ABHD12: variants seen among roughly 807,000 people sequenced by gnomAD.
The protein encoded by ABHD12 is lysophosphatidylserine lipase ABHD12.
ABHD12 carries 43 observed loss-of-function variants against 58.3 expected under a neutral mutation model. That is an observed-to-expected ratio of 0.74 (90% CI 0.58 to 0.95). The LOEUF is 0.95. ABHD12 is among the 40% of genes least tolerant of loss of function. The probability of loss-of-function intolerance (pLI) is 0.00; values close to 1 mark genes in which losing one functional copy is unlikely to be tolerated. For synonymous variants in ABHD12, 219 were observed against 211.2 expected (o/e 1.04, Z -0.32); for missense variants, 539 against 537.2 (o/e 1.00, Z -0.03).
intron 2 of ABHD12, among the ~76,000 whole-genome samples, chr20:25,327,371 G>A (rs1314566462): frequency 1.3e-5 from 2 of 151,846 alleles, no homozygotes; most frequent in Non-Finnish European, 2.9e-5. Flanking sequence ...GGAGCCTGAG[G>A]CAAGAGAATT....
At chr20:25,329,620 T>C (rs1405645919) in intron 2 of ABHD12, among the ~76,000 whole-genome samples, 1 of 152,184 alleles carries the variant, frequency 6.6e-6, no homozygotes, top group Non-Finnish European at 1.5e-5. Flanking sequence ...CTGCAAAATA[T>C]TTGTTGCGGG....
intron 1 of ABHD12, among the ~76,000 whole-genome samples, chr20:25,365,946 G>A (rs955829567): frequency 2.0e-5 from 3 of 152,144 alleles, no homozygotes; most frequent in African/African-American, 7.2e-5. Context: ...AGGCTGAGTT[G>A]GGAGGACTGC....
downstream of ABHD12, among the ~76,000 whole-genome samples, chr20:25,296,081 T>TA (rs2088538693): frequency 1.3e-5 from 2 of 152,282 alleles, no homozygotes; most frequent in East Asian, 3.9e-4. Context: ...GGGCAGTTCT[T>TA]ACCTGGTGCT....
chr20:25,349,129 A>G (rs917535629), intron 1 of ABHD12, among the ~76,000 whole-genome samples: 2 of 152,140 alleles, frequency 1.3e-5, no homozygotes, highest in African/African-American at 4.8e-5. Context: ...TGTATCATAC[A>G]ATCTGGCAAA....
intron 12 of ABHD12, among the ~76,000 whole-genome samples, chr20:25,301,687 CACTGCCCT>C (rs2088638303): frequency 6.6e-6 from 1 of 152,266 alleles, no homozygotes; most frequent in South Asian, 2.1e-4. Flanking sequence ...CCATTCCACA[CACTGCCCT>C]TGTCACTACT....
chr20:25,379,102 G>A (rs1207331703), intron 1 of ABHD12, among the ~76,000 whole-genome samples: 3 of 152,220 alleles, frequency 2.0e-5, no homozygotes, highest in African/African-American at 2.4e-5. Flanking sequence ...GCCCACCTTC[G>A]TCTCAAACCC....
At chr20:25,336,016 CAAAA>C (rs1216228763) in intron 2 of ABHD12, among the ~76,000 whole-genome samples, 2 of 151,242 alleles carry the variant, frequency 1.3e-5, no homozygotes, top group Non-Finnish European at 3.0e-5. Context: ...GACCTATTTC[CAAAA>C]AAGCCCTCCC....
intron 1 of ABHD12, among the ~76,000 whole-genome samples, chr20:25,362,247 TCCAG>T (rs2089759626): frequency 1.3e-5 from 2 of 151,690 alleles, no homozygotes; most frequent in South Asian, 4.2e-4. Flanking sequence ...GCCATTGCAC[TCCAG>T]CCTGGGCAAC....
Position 25,369,640 on chromosome 20 carries a change from G to C in ABHD12, c.191+20873C>G, listed in dbSNP as rs117006574. On this transcript the variant is annotated intron_variant, in intron 1 of 12. Coordinates refer to ENST00000339157, the MANE Select transcript of ABHD12 (RefSeq NM_001042472.3). Reference sequence around the variant, plus strand: ...TGAGACCGCGTCTCAGTTCAAGAGGGTAAGATCCCAAACCAGGAGTGCCAG... The same window carrying C: ...TGAGACCGCGTCTCAGTTCAAGAGGCTAAGATCCCAAACCAGGAGTGCCAG... Among the ~76,000 whole-genome samples, 64 of 152,294 alleles carry C rather than the reference G, an allele frequency of 4.2e-4. No homozygotes were observed. The East Asian group carries it at 0.012, about 28-fold the overall frequency.
At chr20:25,382,033 T>G (rs1485190191) in intron 1 of ABHD12, among the ~76,000 whole-genome samples, 1 of 152,178 alleles carries the variant, frequency 6.6e-6, no homozygotes, top group Non-Finnish European at 1.5e-5. Flanking sequence ...GCACTCACCA[T>G]GTGCCAGGAA....
At chr20:25,388,267 T>C (rs979138126) in intron 1 of ABHD12, among the ~76,000 whole-genome samples, 3 of 152,190 alleles carry the variant, frequency 2.0e-5, no homozygotes, top group Non-Finnish European at 4.4e-5. Flanking sequence ...GCCGGCTCTG[T>C]GGCGCAATGG....
intron 1 of ABHD12, among the ~76,000 whole-genome samples, chr20:25,388,219 G>T (rs1013700789): frequency 2.6e-5 from 4 of 152,086 alleles, no homozygotes. Flanking sequence ...AAAAATGTGC[G>T]GAAGGATCCA....
chr20:25,305,735 A>G (rs780954786), intron 10 of ABHD12, among the ~76,000 whole-genome samples: 15 of 152,220 alleles, frequency 9.9e-5, no homozygotes, highest in Non-Finnish European at 1.6e-4. Flanking sequence ...ATACAATCTG[A>G]AAAAGGTTTA....
At chr20:25,353,545 G>C (rs899105600) in intron 1 of ABHD12, among the ~76,000 whole-genome samples, 20 of 152,176 alleles carry the variant, frequency 1.3e-4, no homozygotes, top group African/African-American at 4.8e-4. Context: ...GAAAAACACA[G>C]CTGAACCTAA....
chr20:25,335,756 A>G (rs1343984354), intron 2 of ABHD12, among the ~76,000 whole-genome samples: 38 of 147,398 alleles, frequency 2.6e-4, no homozygotes, highest in African/African-American at 8.8e-4. Flanking sequence ...GAATCGAACA[A>G]TGAGAACACA....
At chr20:25,376,954 G>C (rs1053117489) in intron 1 of ABHD12, among the ~76,000 whole-genome samples, 4 of 152,202 alleles carry the variant, frequency 2.6e-5, no homozygotes, top group Admixed American at 6.5e-5. Context: ...CAAACTGTTT[G>C]AGAGAGGAAC....
chr20:25,368,760 T>G (rs2089859436), intron 1 of ABHD12: 4 of 939,390 alleles, frequency 4.3e-6, no homozygotes, highest in Non-Finnish European at 6.8e-6. Flanking sequence ...ACAGTGGGGT[T>G]GACCATGGCT....
At chr20:25,351,893 C>T (rs1221121250) in intron 1 of ABHD12, among the ~76,000 whole-genome samples, 1 of 152,182 alleles carries the variant, frequency 6.6e-6, no homozygotes, top group African/African-American at 2.4e-5. Flanking sequence ...AAGAGAGAAA[C>T]TGTGTCTCAA....
rs550358417 is a variant in ABHD12, at chr20:25,328,943, C to T, written c.317-5513G>A. Among the ~76,000 whole-genome samples the T allele has an allele frequency of 1.3e-4, 20 of 152,286 alleles. No homozygotes were observed. In the South Asian group the frequency reaches 3.9e-3, roughly 30 times the overall value. ...CGGGGTGGCTGTAGGAACCCCGTGG[C>T]CAGTATTACTCTAAATGAGCAGAAA... On this transcript the variant is annotated intron_variant, in intron 2 of 12. Transcript: ENST00000339157.
Sources: gnomAD v4.1 joint callset for allele counts (sites outside exome capture counted in the v4.1 genomes callset) on GRCh38, gnomAD v4.1.1 for gene constraint, MANE v1.5 for transcripts, NCBI Gene and HGNC (gene_info 2026-07-23, HGNC 2026-07-21) for gene names.